Variants in CLIP4 observed in about 807,000 individuals in gnomAD.
The protein encoded by CLIP4 is CAP-Gly domain-containing linker protein 4.
CLIP4 carries 47 observed loss-of-function variants against 73.1 expected under a neutral mutation model. The observed-to-expected ratio is 0.64, with a 90% CI of 0.51 to 0.82. CLIP4 has a LOEUF of 0.82. CLIP4 is among the 40% of genes least tolerant of loss of function. The pLI is 0.00. For missense variants in CLIP4, 874 were observed against 852.9 expected (o/e 1.02, Z -0.31); for synonymous variants, 306 against 295.4 (o/e 1.04, Z -0.37).
intron 1 of CLIP4, among the ~76,000 whole-genome samples, chr2:29,117,411 T>C (rs920103002): frequency 8.6e-5 from 13 of 151,692 alleles, no homozygotes; most frequent in Admixed American, 8.6e-4. Context: ...TGGCCTGATC[T>C]CTCCTCACTG....
At chr2:29,105,937 A>C (rs1668191185) in intron 1 of CLIP4, among the ~76,000 whole-genome samples, 1 of 152,192 alleles carries the variant, frequency 6.6e-6, no homozygotes, top group Admixed American at 6.5e-5. Flanking sequence ...ATGGCATTCC[A>C]TGACAGCAGC....
At chr2:29,147,788 G>T (rs576878650) in intron 8 of CLIP4, among the ~76,000 whole-genome samples, 3 of 152,226 alleles carry the variant, frequency 2.0e-5, no homozygotes, top group African/African-American at 7.2e-5. Context: ...CAGAGCACTA[G>T]AACTTATTCC....
intron 2 of CLIP4, among the ~76,000 whole-genome samples, chr2:29,127,778 A>C (rs1664704485): frequency 6.6e-6 from 1 of 152,146 alleles, no homozygotes; most frequent in African/African-American, 2.4e-5. Context: ...ATGCTTGCAA[A>C]AGCTTTCAGG....
chr2:29,161,099 C>T (rs897910648), intron 12 of CLIP4, among the ~76,000 whole-genome samples: 8 of 152,056 alleles, frequency 5.3e-5, no homozygotes, highest in Admixed American at 3.9e-4. Context: ...CTCAGCCTCC[C>T]GAGTAGGTGG....
chr2:29,115,688 C>A lies in CLIP4; in HGVS notation c.-16+23C>A, dbSNP rs1330467111. ...CAGGTGGGCCGGGGGCGCGCGGGGC[C>A]CCCCCGGGCCGCGGGCTGGCCGGCG... is the stretch of plus-strand genomic sequence containing the variant. On this transcript the variant is annotated intron_variant, in intron 1 of 15. Coordinates refer to ENST00000320081, the MANE Select transcript of CLIP4 (RefSeq NM_024692.6). This position sits in a 1 kb window ranked among gnomAD's most constrained non-coding sequence, Gnocchi z 5.1. 2.0e-5 allele frequency: 3 copies of A among 147,326 alleles called. No individual in the cohort carries two copies. The highest frequency in any genetic ancestry group is 4.9e-5 in the African/African-American group (2 of 40,952). The allele number at this position is 147,326 out of a possible 1,614,324, so 9.1% of individuals were successfully genotyped here.
chr2:29,143,655 C>T, intron 6 of CLIP4, 54 bp from the exon 7 acceptor site: 1 of 1,177,830 alleles, frequency 8.5e-7, no homozygotes, highest in Non-Finnish European at 1.3e-6. Flanking sequence ...TTTTATATGA[C>T]TTTCTAGTGC....
At chr2:29,157,415 G>T (rs770774032) in intron 11 of CLIP4, 68 bp downstream of exon 11, 5 of 1,612,712 alleles carry the variant, frequency 3.1e-6, no homozygotes, top group Non-Finnish European at 3.4e-6. Context: ...AAGTAGATTT[G>T]CTCTTTTTAA....
intron 8 of CLIP4, among the ~76,000 whole-genome samples, chr2:29,152,075 CACTG>C: frequency 6.6e-6 from 1 of 152,202 alleles, no homozygotes; most frequent in East Asian, 1.9e-4. Context: ...ATGTGTAACA[CACTG>C]TAATTAGGTA....
intron 8 of CLIP4, among the ~76,000 whole-genome samples, chr2:29,146,915 C>A (rs1161827520): frequency 1.3e-5 from 2 of 152,178 alleles, no homozygotes; most frequent in Admixed American, 6.5e-5. Flanking sequence ...TTGGCTATCA[C>A]GCTTTTATCA....
chr2:29,145,148 C>T, intron 7 of CLIP4, 84 bp from the exon 8 acceptor site: 1 of 1,191,490 alleles, frequency 8.4e-7, no homozygotes, highest in Non-Finnish European at 1.2e-6. Context: ...TTAAAAACTC[C>T]CATGGTGAAG....
At chr2:29,124,924 T>C (rs75222255) in intron 2 of CLIP4, among the ~76,000 whole-genome samples, 4,046 of 152,328 alleles carry the variant, frequency 0.027, 145 homozygotes, top group African/African-American at 0.083. Flanking sequence ...TCATGTTTTC[T>C]TCTTTCTTTG....
intron 11 of CLIP4, 43 bp downstream of exon 11, chr2:29,157,390 T>G: frequency 6.2e-7 from 1 of 1,613,716 alleles, no homozygotes. Flanking sequence ...GTGTTTTTTA[T>G]CTTGGTTTGT....
At chr2:29,177,773 A>T (rs998384827) in intron 15 of CLIP4, among the ~76,000 whole-genome samples, 1 of 152,152 alleles carries the variant, frequency 6.6e-6, no homozygotes, top group African/African-American at 2.4e-5. Context: ...TATTTATAAC[A>T]TTTTACTGAT....
At chr2:29,167,049 A>G (rs1667669659) in intron 13 of CLIP4, among the ~76,000 whole-genome samples, 1 of 152,240 alleles carries the variant, frequency 6.6e-6, no homozygotes, top group Non-Finnish European at 1.5e-5. Flanking sequence ...TGTATTAGCC[A>G]TATAGTTTTA....
intron 13 of CLIP4, among the ~76,000 whole-genome samples, chr2:29,165,962 G>A (rs1188883215): frequency 1.7e-5 from 2 of 116,800 alleles, no homozygotes; most frequent in Non-Finnish European, 3.6e-5. Flanking sequence ...TTAAAAAGCA[G>A]CCCCCTCTTC....
At chr2:29,147,356 A>T (rs1450061652) in intron 8 of CLIP4, among the ~76,000 whole-genome samples, 1 of 152,054 alleles carries the variant, frequency 6.6e-6, no homozygotes, top group Non-Finnish European at 1.5e-5. Flanking sequence ...CATACTTATG[A>T]TATTAAGCTT....
chr2:29,139,865 A>G (rs1558538693), intron 6 of CLIP4, among the ~76,000 whole-genome samples: 2 of 147,078 alleles, frequency 1.4e-5, no homozygotes, highest in East Asian at 3.9e-4. Flanking sequence ...AATTGTGCTT[A>G]TTTGGATCTT....
chr2:29,128,833 G>A (rs1664784175), intron 2 of CLIP4, among the ~76,000 whole-genome samples: 1 of 151,752 alleles, frequency 6.6e-6, no homozygotes. Flanking sequence ...TGACTGTCAC[G>A]CTAGCATTCT....
intron 1 of CLIP4, among the ~76,000 whole-genome samples, chr2:29,102,627 T>C (rs1352576344): frequency 6.6e-6 from 1 of 151,552 alleles, no homozygotes; most frequent in Non-Finnish European, 1.5e-5. Context: ...CTTCCTTTTC[T>C]TTTCTTTTTT....
Sources: allele counts gnomAD v4.1 joint callset (sites outside exome capture counted in the v4.1 genomes callset), GRCh38; gene constraint gnomAD v4.1.1; non-coding constraint Gnocchi (gnomAD v3.1); transcripts MANE v1.5; gene names NCBI Gene and HGNC (gene_info 2026-07-23, HGNC 2026-07-21).